Variants in MESD observed in about 807,000 individuals in gnomAD.
MESD encodes LRP chaperone MESD.
MESD carries 7 observed loss-of-function variants against 12.9 expected under a neutral mutation model. The observed-to-expected ratio is 0.54, with a 90% CI of 0.31 to 1.02. The LOEUF (loss-of-function observed/expected upper bound fraction) is 1.02, where lower values mean the gene tolerates loss of function less well. Among genes scored for constraint, MESD ranks in the 50% least tolerant of loss-of-function variants. The pLI is 0.05. For missense variants in MESD, 342 were observed against 296.7 expected, an observed-to-expected ratio of 1.15 and a Z score of -1.12; for synonymous variants, 126 against 115.6, an observed-to-expected ratio of 1.09 and a Z score of -0.58.
chr15:80,957,375 A>G (rs765456435), intron 3 of MESD, among the ~76,000 whole-genome samples: 7 of 152,360 alleles, frequency 4.6e-5, no homozygotes, highest in Admixed American at 6.5e-5. Context: ...AACAGCAGTA[A>G]CAGTATGTAA....
At chr15:80,973,395 C>T (rs1902333064), downstream of MESD, among the ~76,000 whole-genome samples, 2 of 151,952 alleles carry the variant, frequency 1.3e-5, no homozygotes, top group Non-Finnish European at 1.5e-5. Flanking sequence ...AAAAATTCGC[C>T]GGGTGTAGTG....
At chr15:80,987,690 T>C (rs957646487) in intron 1 of MESD, among the ~76,000 whole-genome samples, 1 of 152,192 alleles carries the variant, frequency 6.6e-6, no homozygotes, top group South Asian at 2.1e-4. Context: ...AGTTTCACCA[T>C]GTTGGCCAGG....
At chr15:80,960,923 G>C (rs545891811) in intron 3 of MESD, among the ~76,000 whole-genome samples, 2 of 152,278 alleles carry the variant, frequency 1.3e-5, no homozygotes, top group South Asian at 2.1e-4. Context: ...ACAGATGGAA[G>C]GGAGGAAGGA....
chr15:80,949,108 A>G (rs943962043), intron 4 of MESD: 2 of 763,258 alleles, frequency 2.6e-6, no homozygotes, highest in African/African-American at 3.4e-5. Context: ...CCCCTACTCA[A>G]GTGTCTACCT....
At chr15:80,951,849 C>A (rs1274837471) in intron 4 of MESD, 2 of 159,196 alleles carry the variant, frequency 1.3e-5, no homozygotes. Context: ...CTAAGGATAA[C>A]CTAAGATAAA....
chr15:80,961,667 C>T (rs528208952), intron 3 of MESD, among the ~76,000 whole-genome samples: 1 of 152,314 alleles, frequency 6.6e-6, no homozygotes, highest in East Asian at 1.9e-4. Context: ...CAAGGATATT[C>T]ACTGCAGCAT....
rs1318798194 is a variant in MESD at position 80,989,675 on chromosome 15, C to T, written c.117G>A (p.Gly39=). ...PGSCAAEGSP[G]TPDESTPPPR... ...GAGGTGGGGTAGACTCGTCGGGCGT[C>T]CCGGGCGAGCCTTCGGCCGCGCAGG... The change falls in exon 1 of 3, where the codon GGG becomes GGA. Residue 39 remains glycine (G), a synonymous_variant. Transcript: ENST00000261758. 1 of 1,613,364 alleles carries T rather than the reference C, an allele frequency of 6.2e-7. No individual in the cohort carries two copies. The highest frequency in any genetic ancestry group is 1.7e-5 in the Admixed American group (1 of 60,032).
At chr15:80,950,066 A>C (rs1901752203) in intron 4 of MESD, 1 of 152,348 alleles carries the variant, frequency 6.6e-6, no homozygotes, top group African/African-American at 2.4e-5. Context: ...AAGAGGGTGA[A>C]GTCCACAGAA....
chr15:80,970,926 A>C (rs935240230), downstream of MESD, among the ~76,000 whole-genome samples: 2 of 152,204 alleles, frequency 1.3e-5, no homozygotes, highest in African/African-American at 2.4e-5. Context: ...GGGTGATCAG[A>C]TATCACCTGG....
Position 80,982,180 on chromosome 15 carries a change from T to C in MESD, c.216A>G (p.Lys72=), listed in dbSNP as rs1304315909. 6.2e-7 allele frequency: 1 copy of C among 1,613,186 alleles called. No homozygotes were observed. Among genetic ancestry groups the C allele is most frequent in the Admixed American group, 1.7e-5 (1 of 59,968 alleles). Residue 72 remains lysine, a splice_region_variant and synonymous_variant, in exon 2 of 3, where the codon AAA becomes AAG. Transcript: ENST00000261758. ...DMARLLEQWE[K]DDDIEEGDLP... ...GATCTCCTTCTTCAATGTCATCATCTTTCTATCAGATTAGGGGAAAAGCAT... is the reference window on the plus strand; with the variant it reads ...GATCTCCTTCTTCAATGTCATCATCCTTCTATCAGATTAGGGGAAAAGCAT...
At position 80,953,935 on chromosome 15, in the gene MESD, A is replaced by G. The variant is rs974786951; in HGVS notation, c.*289-1639T>C. ...GGTATGCTGAGTTGGGCACACAGGC[A>G]GTCCCTGAGGTGGCATATGCCTGCA... is the stretch of plus-strand genomic sequence containing the variant. On this transcript the variant is annotated intron_variant, in intron 3 of 4. Transcript: ENST00000561312. Among the ~76,000 whole-genome samples the G allele has an allele frequency of 5.3e-5, 8 of 152,296 alleles. No individual in the cohort carries two copies. In the East Asian group the frequency reaches 1.5e-3, roughly 29 times the overall value.
At chr15:80,946,827 G>A, downstream of MESD, 1 of 704,198 alleles carries the variant, frequency 1.4e-6, no homozygotes, top group Non-Finnish European at 2.6e-6. Context: ...AGGAGAGGCT[G>A]CCCTTTCCCG....
At position 80,979,255 on chromosome 15, in the gene MESD, T is replaced by G. The variant is rs1179030076; in HGVS notation, c.669A>C (p.Glu223Asp). The G allele has an allele frequency of 2.5e-6, 4 of 1,613,798 alleles. No individual in the cohort carries two copies. Among genetic ancestry groups the G allele is most frequent in the Non-Finnish European group, 3.4e-6 (4 of 1,180,024 alleles). ...CTCTTTTATTCCCAGCTCGATTTTC[T>G]TCCTTGGAAGACCGAGATTTCAGAT... ...EGDLKSRSSK[E>D]ENRAGNKRED... Residue 223 changes from glutamate to aspartate, a missense_variant, in exon 3 of 3, where the codon GAA (glutamate) becomes GAC (aspartate). Coordinates refer to ENST00000261758, the MANE Select transcript of MESD (RefSeq NM_015154.3).
At chr15:80,980,220 G>A (rs1464662526) in intron 2 of MESD, among the ~76,000 whole-genome samples, 2 of 152,136 alleles carry the variant, frequency 1.3e-5, no homozygotes, top group Non-Finnish European at 2.9e-5. Context: ...CTGTCTAGGT[G>A]TCTATTTAAG....
intron 2 of MESD, among the ~76,000 whole-genome samples, chr15:80,981,410 C>T (rs1386109246): frequency 7.2e-6 from 1 of 138,822 alleles, no homozygotes; most frequent in Non-Finnish European, 1.5e-5. Context: ...GCACTCCAGC[C>T]TGGGCAACAC....
chr15:80,983,713 A>C (rs1253561676), intron 1 of MESD, among the ~76,000 whole-genome samples: 4 of 152,196 alleles, frequency 2.6e-5, no homozygotes, highest in Non-Finnish European at 4.4e-5. Context: ...AAGTGCTCAA[A>C]GAATCGTGAA....
chr15:80,981,059 C>T (rs1411107458), intron 2 of MESD, among the ~76,000 whole-genome samples: 3 of 151,636 alleles, frequency 2.0e-5, no homozygotes, highest in East Asian at 2.0e-4. Context: ...CTCCTGACTT[C>T]GTGATCCGCC....
chr15:80,955,333 A>G (rs1300669714), intron 3 of MESD, among the ~76,000 whole-genome samples: 1 of 149,584 alleles, frequency 6.7e-6, no homozygotes, highest in Non-Finnish European at 1.5e-5. Flanking sequence ...AAAATACAAA[A>G]AAAAAAAAAT....
Position 80,981,991 on chromosome 15 carries a change from G to A in MESD, c.405C>T (p.Leu135=). Residue 135 remains leucine, a synonymous_variant, in exon 2 of 3, where the codon CTC becomes CTT. Transcript: ENST00000261758. Reference sequence around the variant, plus strand: ...TGGCATTGAAAAGGCTGCCCTGCCAGAGGCTCGTAATTTCCTCTGTCTCCT... The same window carrying A: ...TGGCATTGAAAAGGCTGCCCTGCCAAAGGCTCGTAATTTCCTCTGTCTCCT... ...TEKETEEITS[L]WQGSLFNANY... 6.2e-7 allele frequency: 1 copy of A among 1,614,198 alleles called. No individual in the cohort carries two copies. Among genetic ancestry groups the A allele is most frequent in the Non-Finnish European group, 8.5e-7 (1 of 1,180,046 alleles).
Sources: gnomAD v4.1 joint callset for allele counts (sites outside exome capture counted in the v4.1 genomes callset) on GRCh38, gnomAD v4.1.1 for gene constraint, MANE v1.5 for transcripts, NCBI Gene and HGNC (gene_info 2026-07-23, HGNC 2026-07-21) for gene names.